Variants in PDE8B observed in about 807,000 individuals in gnomAD.
PDE8B encodes phosphodiesterase 8B.
Under a neutral mutation model 101.3 loss-of-function variants are expected in PDE8B, and 26 were observed. The observed-to-expected ratio is 0.26, with a 90% CI of 0.19 to 0.36. The LOEUF is 0.36. PDE8B is among the 10% of genes least tolerant of loss of function. PDE8B has a pLI of 1.00. For synonymous variants in PDE8B, 424 were observed against 429.3 expected (o/e 0.99, Z 0.15); for missense variants, 810 against 1,163.1 (o/e 0.70, Z 4.42).
At chr5:77,387,205 G>GT (rs569245204) in intron 10 of PDE8B, among the ~76,000 whole-genome samples, 124 of 152,184 alleles carry the variant, frequency 8.1e-4, no homozygotes, top group African/African-American at 2.0e-3. Context: ...GCTGGTACTG[G>GT]TTTTTCCTTT....
At chr5:77,294,323 G>A (rs1768043524) in intron 1 of PDE8B, among the ~76,000 whole-genome samples, 1 of 152,148 alleles carries the variant, frequency 6.6e-6, no homozygotes, top group Non-Finnish European at 1.5e-5. Flanking sequence ...TCCCAGGGCT[G>A]GGGACCCAGA....
Position 77,404,588 on chromosome 5 carries a change from T to C in PDE8B, c.1211-132T>C, listed in dbSNP as rs917674369. 236 of 644,126 alleles carry C rather than the reference T, an allele frequency of 3.7e-4. 1 individual carries two copies. The highest frequency in any genetic ancestry group is 1.6e-3 in the Middle Eastern group (6 of 3,670). The allele number at this position is 644,126 out of a possible 1,614,324, so 39.9% of individuals were successfully genotyped here. On this transcript the variant is annotated intron_variant, in intron 11 of 21. Coordinates refer to ENST00000264917, the MANE Select transcript of PDE8B (RefSeq NM_003719.5). ...TTTGAAAAGAAAGTGGTTGACTGTTTCTTAAAATTATTTTATAGTGCTTAA... is the reference window on the plus strand; with the variant it reads ...TTTGAAAAGAAAGTGGTTGACTGTTCCTTAAAATTATTTTATAGTGCTTAA...
the PDE8B span, among the ~76,000 whole-genome samples, chr5:77,120,083 G>T: frequency 6.6e-6 from 1 of 152,134 alleles, no homozygotes; most frequent in African/African-American, 2.4e-5. Flanking sequence ...TCATGCAATG[G>T]AATATTGCCC....
At chr5:77,417,813 A>G (rs1419912954) in intron 17 of PDE8B, among the ~76,000 whole-genome samples, 3 of 152,222 alleles carry the variant, frequency 2.0e-5, no homozygotes, top group Admixed American at 1.3e-4. Flanking sequence ...TCACCATTGT[A>G]TGAATAGTTT....
intron 8 of PDE8B, 43 bp from the exon 9 acceptor site, chr5:77,351,021 CA>C (rs1561567214): frequency 7.1e-7 from 1 of 1,399,816 alleles, no homozygotes; most frequent in African/African-American, 1.4e-5. Context: ...GAGCAGCTGT[CA>C]TCCTTGACTG....
chr5:77,303,042 A>C (rs1770329168), intron 1 of PDE8B, among the ~76,000 whole-genome samples: 1 of 152,228 alleles, frequency 6.6e-6, no homozygotes, highest in African/African-American at 2.4e-5. Context: ...CTACCAAATA[A>C]AGACTTTACT....
chr5:77,409,777 A>G (rs1794177820), intron 14 of PDE8B, among the ~76,000 whole-genome samples: 1 of 152,266 alleles, frequency 6.6e-6, no homozygotes, highest in Non-Finnish European at 1.5e-5. Flanking sequence ...AATTCTTTAG[A>G]AAAAAAGTCC....
intron 6 of PDE8B, among the ~76,000 whole-genome samples, chr5:77,340,468 A>G (rs1779014678): frequency 6.6e-6 from 1 of 152,174 alleles, no homozygotes; most frequent in Non-Finnish European, 1.5e-5. Context: ...CAAGGTCACG[A>G]TCCTCTCACC....
chr5:77,318,055 C>CAAAAAAAAAA (rs55952764), intron 2 of PDE8B, among the ~76,000 whole-genome samples: 27 of 57,156 alleles, frequency 4.7e-4, no homozygotes, highest in African/African-American at 1.7e-3. Flanking sequence ...GACTCCATCT[C>CAAAAAAAAAA]AAAAAAAAAA....
upstream of PDE8B, among the ~76,000 whole-genome samples, chr5:77,206,359 G>A (rs1361965132): frequency 6.6e-6 from 1 of 152,202 alleles, no homozygotes; most frequent in African/African-American, 2.4e-5. Flanking sequence ...TATGTGCTAT[G>A]AAATAAGAAA....
intron 17 of PDE8B, 47 bp downstream of exon 17, chr5:77,413,356 C>T (rs1394098070): frequency 6.6e-7 from 1 of 1,509,982 alleles, no homozygotes; most frequent in Non-Finnish European, 9.2e-7. Context: ...GATTGGAGAT[C>T]CAAGAACTTA....
rs1254209725 is a variant in PDE8B at position 77,404,806 on chromosome 5, T to A, written c.1288+9T>A. 6.5e-7 allele frequency: 1 copy of A among 1,539,230 alleles called. No individual in the cohort carries two copies. The stretch of plus-strand genomic sequence containing the variant: ...ATCTCGAGGCAGTGATGGTAAGATG[T>A]TTTTCAGATTCCTCTGACCTTTTTA... On this transcript the variant is annotated intron_variant, in intron 12 of 21. Transcript: ENST00000264917.
chr5:77,356,851 A>C (rs10942818), intron 10 of PDE8B, among the ~76,000 whole-genome samples: 89,098 of 151,974 alleles, frequency 0.59, 26,198 homozygotes, highest in South Asian at 0.63. Context: ...GACTTTCCCT[A>C]CCCTGCCAAA....
chr5:77,195,385 G>A, the PDE8B span, among the ~76,000 whole-genome samples: 1 of 152,154 alleles, frequency 6.6e-6, no homozygotes, highest in Non-Finnish European at 1.5e-5. Context: ...TCAAGCCATA[G>A]CATTCTACCA....
chr5:77,185,961 C>T, the PDE8B span, among the ~76,000 whole-genome samples: 1 of 152,230 alleles, frequency 6.6e-6, no homozygotes, highest in Non-Finnish European at 1.5e-5. Flanking sequence ...AGTAGTATTC[C>T]TCATCTGTCA....
the PDE8B span, among the ~76,000 whole-genome samples, chr5:77,091,811 G>T: frequency 1.3e-5 from 2 of 152,140 alleles, no homozygotes; most frequent in East Asian, 1.9e-4. Context: ...GTGTCTAAAA[G>T]AATCCATTTA....
chr5:77,407,480 A>G (rs1225534515), intron 13 of PDE8B, 23 bp downstream of exon 13: 1 of 1,572,038 alleles, frequency 6.4e-7, no homozygotes, highest in Non-Finnish European at 8.8e-7. Flanking sequence ...TGCTGCCTGC[A>G]CTCTGCAGTC....
At chr5:77,195,103 T>A in the PDE8B span, among the ~76,000 whole-genome samples, 1 of 152,184 alleles carries the variant, frequency 6.6e-6, no homozygotes, top group Non-Finnish European at 1.5e-5. Context: ...AAATTTATTT[T>A]CTCTCAGTTC....
At chr5:77,097,284 T>C in the PDE8B span, among the ~76,000 whole-genome samples, 1 of 152,128 alleles carries the variant, frequency 6.6e-6, no homozygotes, top group African/African-American at 2.4e-5. Flanking sequence ...GAAAGTGTTT[T>C]TGCTGTGTGC....
Sources: gnomAD v4.1 joint callset for allele counts (sites outside exome capture counted in the v4.1 genomes callset) on GRCh38, gnomAD v4.1.1 for gene constraint, MANE v1.5 for transcripts, NCBI Gene and HGNC (gene_info 2026-07-23, HGNC 2026-07-21) for gene names.